DCDC1: variants seen among roughly 807,000 people sequenced by gnomAD.
DCDC1 encodes the protein doublecortin domain-containing protein 1.
Under a neutral mutation model 178.3 loss-of-function variants are expected in DCDC1, and 200 were observed. That is an observed-to-expected ratio of 1.12 (90% CI 1.00 to 1.26). The LOEUF (loss-of-function observed/expected upper bound fraction) is 1.26, where lower values mean the gene tolerates loss of function less well. Among genes scored for constraint, DCDC1 ranks in the 50% most tolerant of loss-of-function variants. The probability of loss-of-function intolerance (pLI) is 0.00; values close to 1 mark genes in which losing one functional copy is unlikely to be tolerated. For missense variants in DCDC1, 1,983 were observed against 1,749.2 expected, an observed-to-expected ratio of 1.13 and a Z score of -2.38; for synonymous variants, 690 against 604.8, an observed-to-expected ratio of 1.14 and a Z score of -2.07.
At chr11:31,315,901 C>G (rs1413326024) in intron 3 of DCDC1, among the ~76,000 whole-genome samples, 1 of 111,462 alleles carries the variant, frequency 9.0e-6, no homozygotes. Context: ...TGAGAATATG[C>G]GGTGTTTGGT....
At chr11:31,272,451 T>C (rs528795426) in intron 7 of DCDC1, among the ~76,000 whole-genome samples, 4 of 152,106 alleles carry the variant, frequency 2.6e-5, no homozygotes, top group Non-Finnish European at 5.9e-5. Flanking sequence ...AAGTCCACAG[T>C]CCAAAGTTTC....
intron 9 of DCDC1, among the ~76,000 whole-genome samples, chr11:31,167,633 A>G (rs936237762): frequency 3.9e-5 from 6 of 152,062 alleles, no homozygotes; most frequent in Non-Finnish European, 8.8e-5. Context: ...ATTTTATTAC[A>G]CCATTCTTTC....
intron 2 of DCDC1, among the ~76,000 whole-genome samples, chr11:31,331,301 T>G (rs1324376850): frequency 2.0e-5 from 3 of 152,256 alleles, no homozygotes; most frequent in Non-Finnish European, 4.4e-5. Flanking sequence ...TGGAGTTTTC[T>G]AAATGTACAA....
intron 8 of DCDC1, among the ~76,000 whole-genome samples, chr11:31,250,045 T>C (rs1450403199): frequency 1.3e-5 from 2 of 151,968 alleles, no homozygotes; most frequent in South Asian, 2.1e-4. Flanking sequence ...CACCAACATA[T>C]AAACAATATT....
intron 11 of DCDC1, among the ~76,000 whole-genome samples, chr11:31,118,962 G>A (rs1960385656): frequency 1.3e-5 from 2 of 152,170 alleles, no homozygotes; most frequent in African/African-American, 4.8e-5. Flanking sequence ...ACACCTGACT[G>A]CAGATGCCTG....
At chr11:31,284,273 T>C in intron 7 of DCDC1, among the ~76,000 whole-genome samples, 1 of 152,296 alleles carries the variant, frequency 6.6e-6, no homozygotes, top group Non-Finnish European at 1.5e-5. Context: ...AAGAGAAGTT[T>C]TGAATAATAA....
rs201768545 is a variant in DCDC1 at position 31,290,820 on chromosome 11, T to C, written c.787A>G (p.Thr263Ala). ...GTAGGAAGCATCAACCCATTCATTG[T>C]CCAAGTTACTTTCTTAATTAACAAC... ...HLLLIKKVTW[T>A]MNGLMLPTDI... Residue 263 changes from threonine (T) to alanine (A), a missense_variant, in exon 7 of 39, where the codon ACA becomes GCA. Coordinates refer to ENST00000684477, the MANE Select transcript of DCDC1 (RefSeq NM_001387274.1). The C allele has an allele frequency of 1.9e-6, 3 of 1,612,886 alleles. No homozygotes were observed. Among genetic ancestry groups the C allele is most frequent in the Admixed American group, 1.7e-5 (1 of 59,886 alleles).
chr11:31,009,258 A>G (rs1357096547), intron 20 of DCDC1, among the ~76,000 whole-genome samples: 1 of 152,230 alleles, frequency 6.6e-6, no homozygotes, highest in African/African-American at 2.4e-5. Flanking sequence ...TGAAGGTATA[A>G]TAGTTCATAT....
intron 36 of DCDC1, among the ~76,000 whole-genome samples, chr11:30,884,372 CTT>C (rs375533672): frequency 2.0e-5 from 3 of 151,754 alleles, no homozygotes; most frequent in African/African-American, 7.3e-5. Flanking sequence ...GTTTTCCTCT[CTT>C]TTTTTTGTTA....
intron 11 of DCDC1, among the ~76,000 whole-genome samples, chr11:31,118,496 T>A (rs1022785568): frequency 6.6e-6 from 1 of 152,138 alleles, no homozygotes. Context: ...TCGATAACGT[T>A]CATGGTGAGT....
At chr11:31,192,996 A>G (rs1565411409) in intron 9 of DCDC1, among the ~76,000 whole-genome samples, 3 of 152,090 alleles carry the variant, frequency 2.0e-5, no homozygotes, top group Non-Finnish European at 4.4e-5. Flanking sequence ...GCTCTCGGAC[A>G]TCACAACTCC....
chr11:31,041,532 GA>G (rs1252117489), intron 20 of DCDC1, among the ~76,000 whole-genome samples: 9 of 152,182 alleles, frequency 5.9e-5, no homozygotes, highest in Non-Finnish European at 1.2e-4. Flanking sequence ...AGTGGAGACA[GA>G]AAGATTAAGT....
chr11:31,348,207 T>C (rs1950906034), intron 1 of DCDC1, among the ~76,000 whole-genome samples: 1 of 152,198 alleles, frequency 6.6e-6, no homozygotes, highest in African/African-American at 2.4e-5. Context: ...CTTACAAATT[T>C]CATCATCTCA....
chr11:31,312,331 T>C (rs1948820798), intron 3 of DCDC1, among the ~76,000 whole-genome samples: 1 of 152,188 alleles, frequency 6.6e-6, no homozygotes, highest in Non-Finnish European at 1.5e-5. Context: ...GTATTATTAT[T>C]CCCCTTTTCC....
intron 3 of DCDC1, among the ~76,000 whole-genome samples, chr11:31,315,306 CTTTTTTTTTTTTTT>C (rs72156406): frequency 6.4e-5 from 4 of 62,142 alleles, no homozygotes; most frequent in Admixed American, 2.9e-4. Flanking sequence ...TTTGCATACC[CTTTTTTTTTTTTTT>C]TTTTTTTTTT....
At chr11:30,974,634 A>G (rs901554492) in intron 20 of DCDC1, among the ~76,000 whole-genome samples, 3 of 152,118 alleles carry the variant, frequency 2.0e-5, no homozygotes, top group Admixed American at 2.0e-4. Flanking sequence ...ATTCCTGGAC[A>G]CATACAACCT....
intron 1 of DCDC1, among the ~76,000 whole-genome samples, chr11:31,367,050 C>CT (rs1302493189): frequency 6.6e-6 from 1 of 152,196 alleles, no homozygotes; most frequent in Non-Finnish European, 1.5e-5. Flanking sequence ...AATCTCAGCA[C>CT]TTTGGGAGGC....
chr11:30,997,413 C>A (rs1951330020), intron 20 of DCDC1, among the ~76,000 whole-genome samples: 1 of 151,704 alleles, frequency 6.6e-6, no homozygotes. Flanking sequence ...TCTAAGTGTA[C>A]AATAAATATA....
chr11:31,113,785 T>A (rs1010210784), intron 11 of DCDC1, among the ~76,000 whole-genome samples: 1 of 151,678 alleles, frequency 6.6e-6, no homozygotes, highest in African/African-American at 2.4e-5. Flanking sequence ...GCATGGTTAA[T>A]AAAAAAAAAT....
Sources: allele counts gnomAD v4.1 joint callset (sites outside exome capture counted in the v4.1 genomes callset), GRCh38; gene constraint gnomAD v4.1.1; transcripts MANE v1.5; gene names NCBI Gene and HGNC (gene_info 2026-07-23, HGNC 2026-07-21).